The following CDH1 variants were observed in gnomAD, a reference collection of about 807,000 sequenced individuals.
CDH1 encodes the protein cadherin 1.
In CDH1, 35 loss-of-function variants were observed where a neutral mutation model predicts 84.5. That is an observed-to-expected ratio of 0.41 (90% CI 0.32 to 0.55). The LOEUF (loss-of-function observed/expected upper bound fraction) is 0.55. Ranked by LOEUF, CDH1 falls within the 20% of genes least tolerant of loss-of-function variation. The pLI is 0.19. For synonymous variants in CDH1, 417 were observed against 439.0 expected (o/e 0.95, Z 0.63); for missense variants, 994 against 1,126.6 (o/e 0.88, Z 1.68).
rs1961582252 is a variant in CDH1, at chr16:68,834,344, C to T, written c.*845C>T. The T allele has an allele frequency of 2.1e-6, 1 of 486,908 alleles. No individual in the cohort carries two copies. The allele number at this position is 486,908 out of a possible 1,614,324, so 30.2% of individuals were successfully genotyped here. A position where few individuals can be genotyped will look rare whatever the true frequency, so the allele number is the denominator to read the frequency against. ...GTGATGTGATCATAGCTCACTGTAACCTCAAACTCTGGGGCTCAAGCAGTT... is the reference window on the plus strand; with the variant it reads ...GTGATGTGATCATAGCTCACTGTAATCTCAAACTCTGGGGCTCAAGCAGTT... On this transcript the variant is annotated 3_prime_UTR_variant, in exon 16 of 16. Coordinates refer to ENST00000261769, the MANE Select transcript of CDH1 (RefSeq NM_004360.5).
At chr16:68,792,231 C>CTCT (rs1555513735) in intron 2 of CDH1, among the ~76,000 whole-genome samples, 4 of 113,588 alleles carry the variant, frequency 3.5e-5, no homozygotes, top group Non-Finnish European at 7.5e-5. Flanking sequence ...TAAACACTGA[C>CTCT]TTTTTTTTTT....
intron 9 of CDH1, among the ~76,000 whole-genome samples, chr16:68,814,143 G>A (rs576842787): frequency 3.9e-5 from 6 of 152,166 alleles, no homozygotes; most frequent in African/African-American, 1.4e-4. Context: ...GCTGAGGCAG[G>A]AGAATCGCTT....
At chr16:68,772,256 C>G (rs1481983842) in intron 2 of CDH1, among the ~76,000 whole-genome samples, 1 of 152,210 alleles carries the variant, frequency 6.6e-6, no homozygotes, top group African/African-American at 2.4e-5. Flanking sequence ...CAGACAGGGA[C>G]ACTGCCTTTC....
intron 2 of CDH1, among the ~76,000 whole-genome samples, chr16:68,748,657 C>A (rs1355220148): frequency 1.3e-5 from 2 of 152,108 alleles, no homozygotes; most frequent in Non-Finnish European, 2.9e-5. Context: ...CATAGGTGAG[C>A]CTGCTGGGTC....
At position 68,828,249 on chromosome 16, in the gene CDH1, A is replaced by C. The variant is rs1060501222; in HGVS notation, c.2240A>C (p.Asp747Ala). 6.2e-7 allele frequency: 1 copy of C among 1,613,964 alleles called. No homozygotes were observed. Among genetic ancestry groups the C allele is most frequent in the African/African-American group, 1.3e-5 (1 of 74,908 alleles). ...VKEPLLPPED[D>A]TRDNVYYYDE... is the part of the protein sequence containing the mutation. ...GAGCCCTTACTGCCCCCAGAGGATG[A>C]CACCCGGGACAACGTTTATTACTAT... Residue 747 changes from aspartate to alanine, a missense_variant, in exon 14 of 16, where the codon GAC (aspartate) becomes GCC (alanine). By Grantham distance (126) the Asp-to-Ala change is moderately radical. Around this residue, in one of 3 missense-constraint regions of CDH1, gnomAD observed 769 missense variants for 881.8 expected, o/e 0.87. Transcript: ENST00000261769.
Position 68,823,453 on chromosome 16 carries a change from A to G in CDH1, c.1991A>G (p.Lys664Arg), listed in dbSNP as rs1436479908. 6.2e-7 allele frequency: 1 copy of G among 1,614,086 alleles called. No individual in the cohort carries two copies. Among genetic ancestry groups the G allele is most frequent in the Admixed American group, 1.7e-5 (1 of 60,008 alleles). The change falls in exon 13 of 16, where the codon AAA (lysine) becomes AGA (arginine). Residue 664 changes from lysine (K) to arginine (R), a missense_variant. Around this residue, in one of 3 missense-constraint regions of CDH1, gnomAD observed 769 missense variants for 881.8 expected, o/e 0.87. Transcript: ENST00000261769. ...ATGGCCTTAGAGGTGGGTGACTACA[A>G]AATCAATCTCAAGCTCATGGATAAC... Reference protein sequence around the residue: ...PKMALEVGDYKINLKLMDNQN... With the variant: ...PKMALEVGDYRINLKLMDNQN...
chr16:68,804,996 ATTTTTT>A (rs71148951), intron 3 of CDH1, among the ~76,000 whole-genome samples: 21 of 89,698 alleles, frequency 2.3e-4, no homozygotes, highest in African/African-American at 9.6e-4. Context: ...TGCCCAGCTA[ATTTTTT>A]TTTTTTTTTT....
At position 68,801,803 on chromosome 16, in the gene CDH1, G is replaced by A. The variant is rs876660223; in HGVS notation, c.297G>A (p.Leu99=). 1 of 1,614,138 alleles carries A rather than the reference G, an allele frequency of 6.2e-7. No individual in the cohort carries two copies. Among genetic ancestry groups the A allele is most frequent in the Non-Finnish European group, 8.5e-7 (1 of 1,180,028 alleles). Residue 99 remains leucine (L), a synonymous_variant, in exon 3 of 16, where the codon TTG becomes TTA. Transcript: ENST00000261769. Reference sequence around the variant, plus strand: ...TTCATAACCCACAGATCCATTTCTTGGTCTACGCCTGGGACTCCACCTACA... The same window carrying A: ...TTCATAACCCACAGATCCATTTCTTAGTCTACGCCTGGGACTCCACCTACA... ...LRFHNPQIHF[L]VYAWDSTYRK...
Position 68,766,684 on chromosome 16 carries a change from A to G in CDH1, c.163+28273A>G, listed in dbSNP as rs547357491. ...GGGGCATTGCCCTGAGCATTTGTAT[A>G]GTAACATATAATTCTCCCAGTTACT... On this transcript the variant is annotated intron_variant, in intron 2 of 15. Transcript: ENST00000261769. Among the ~76,000 whole-genome samples the G allele has an allele frequency of 3.9e-5, 6 of 152,256 alleles. No individual in the cohort carries two copies. The East Asian group carries it at 1.2e-3, about 29-fold the overall frequency.
intron 2 of CDH1, among the ~76,000 whole-genome samples, chr16:68,748,939 A>G (rs747221622): frequency 6.6e-6 from 1 of 152,246 alleles, no homozygotes; most frequent in Admixed American, 6.5e-5. Context: ...TCCTGGGTTC[A>G]AGCGATTCTC....
intron 2 of CDH1, among the ~76,000 whole-genome samples, chr16:68,786,528 T>TTTTTC (rs1960051429): frequency 9.4e-5 from 11 of 116,636 alleles, no homozygotes; most frequent in Non-Finnish European, 1.2e-4. Flanking sequence ...TTCTTTTTTT[T>TTTTTC]TTTTTCTTTT....
At chr16:68,798,124 A>G (rs1372534268) in intron 2 of CDH1, among the ~76,000 whole-genome samples, 1 of 151,694 alleles carries the variant, frequency 6.6e-6, no homozygotes, top group African/African-American at 2.4e-5. Flanking sequence ...AGTAGTGGGG[A>G]GTGGGGTCTT....
intron 2 of CDH1, among the ~76,000 whole-genome samples, chr16:68,776,175 T>C (rs1250144750): frequency 2.6e-5 from 4 of 152,154 alleles, no homozygotes. Flanking sequence ...TTAGTAGAGA[T>C]GGGGTTTTAC....
chr16:68,797,877 G>A (rs1347525038), intron 2 of CDH1, among the ~76,000 whole-genome samples: 3 of 151,928 alleles, frequency 2.0e-5, no homozygotes, highest in East Asian at 1.9e-4. Context: ...TCAGGAGTTC[G>A]AGACCAGCCT....
chr16:68,748,827 AAC>A (rs1345596685), intron 2 of CDH1, among the ~76,000 whole-genome samples: 1 of 152,148 alleles, frequency 6.6e-6, no homozygotes, highest in Non-Finnish European at 1.5e-5. Context: ...CTGAAGATAA[AAC>A]AGTTTTTTTT....
intron 13 of CDH1, 106 bp from the exon 14 acceptor site, chr16:68,828,068 C>A: frequency 7.7e-7 from 1 of 1,300,710 alleles, no homozygotes; most frequent in Non-Finnish European, 1.1e-6. Flanking sequence ...TAGTGGCTGT[C>A]TAACTGCCCC....
chr16:68,815,934 C>T lies in CDH1; in HGVS notation c.1565+175C>T, dbSNP rs6499199. Among the ~76,000 whole-genome samples, 21,331 of 152,218 alleles carry T rather than the reference C, an allele frequency of 0.14. 3,171 individuals are homozygous for T. Among genetic ancestry groups the T allele is most frequent in the African/African-American group, 0.37 (15,511 of 41,472 alleles). Reference sequence around the variant, plus strand: ...CTCCTTTCACCTGTTCCCTTCCCTTCACAGACAGCCGTTCTTGGTCTGATG... The same window carrying T: ...CTCCTTTCACCTGTTCCCTTCCCTTTACAGACAGCCGTTCTTGGTCTGATG... On this transcript the variant is annotated intron_variant, in intron 10 of 15. Transcript: ENST00000261769.
intron 2 of CDH1, among the ~76,000 whole-genome samples, chr16:68,744,337 G>A (rs945560162): frequency 1.3e-5 from 2 of 152,148 alleles, no homozygotes; most frequent in Non-Finnish European, 2.9e-5. Flanking sequence ...GGAAATGGGA[G>A]GGCATATAGC....
chr16:68,789,871 C>G (rs887770044), intron 2 of CDH1, among the ~76,000 whole-genome samples: 1 of 151,990 alleles, frequency 6.6e-6, no homozygotes, highest in Non-Finnish European at 1.5e-5. Flanking sequence ...ACCTGCCCGA[C>G]CAACATGGAG....
Sources: gnomAD v4.1 joint callset for allele counts (sites outside exome capture counted in the v4.1 genomes callset) on GRCh38, gnomAD v4.1.1 for gene constraint, gnomAD v4.1.1 regional missense constraint, MANE v1.5 for transcripts, NCBI Gene and HGNC (gene_info 2026-07-23, HGNC 2026-07-21) for gene names.